Variants in ZNF706 observed in about 807,000 individuals in gnomAD.
ZNF706 encodes the protein transcriptional regulator ZNF706.
Under a neutral mutation model 9.2 loss-of-function variants are expected in ZNF706, and 4 were observed. The ratio of observed to expected loss-of-function variants is 0.43; its 90% CI spans 0.21 to 0.99. ZNF706 has a LOEUF of 0.99. Ranked by LOEUF, ZNF706 falls within the 50% of genes least tolerant of loss-of-function variation. The pLI is 0.26. For synonymous variants in ZNF706, 28 were observed against 27.3 expected, an observed-to-expected ratio of 1.03 and a Z score of -0.08; for missense variants, 27 against 87.8, an observed-to-expected ratio of 0.31 and a Z score of 2.77.
At chr8:101,203,667 G>C (rs1195658798) in intron 1 of ZNF706, 1 of 152,036 alleles carries the variant, frequency 6.6e-6, no homozygotes, top group South Asian at 2.1e-4. Context: ...TTTATATTAG[G>C]GTAGCACACG....
At chr8:101,200,922 C>G (rs1028322633) in intron 2 of ZNF706, 1 of 210,602 alleles carries the variant, frequency 4.7e-6, no homozygotes, top group African/African-American at 2.3e-5. Flanking sequence ...GCTGAACTGC[C>G]TGAGTTCAGA....
intron 3 of ZNF706, among the ~76,000 whole-genome samples, chr8:101,199,468 T>C (rs1445595796): frequency 6.6e-6 from 1 of 152,106 alleles, no homozygotes; most frequent in Non-Finnish European, 1.5e-5. Context: ...TCCAACCAAA[T>C]GTAATGTGTA....
At chr8:101,200,211 A>C in intron 2 of ZNF706, 114 bp from the exon 3 acceptor site, 1 of 764,332 alleles carries the variant, frequency 1.3e-6, no homozygotes, top group South Asian at 1.7e-5. Context: ...AACACCTTTA[A>C]ATTCCTACAA....
In ZNF706 at chr8:101,197,119, C is replaced by T. The variant is rs1349150186; in HGVS notation, c.*2133G>A. 6.6e-6 allele frequency: 1 copy of T among 152,148 alleles called. No individual in the cohort carries two copies. The highest frequency in any genetic ancestry group is 2.4e-5 in the African/African-American group (1 of 41,424). 9.4% of individuals were successfully genotyped at this position (152,148 alleles called of 1,614,324 possible). On this transcript the variant is annotated 3_prime_UTR_variant, in exon 4 of 4. Transcript: ENST00000311212. ...CTGAGCCCCCAGTGTGTCAGTTAAACATGGGGATGAATATCCATGTGAAGA... is the reference window on the plus strand; with the variant it reads ...CTGAGCCCCCAGTGTGTCAGTTAAATATGGGGATGAATATCCATGTGAAGA...
Position 101,201,682 on chromosome 8 carries a change from T to C in ZNF706, c.60A>G (p.Gly20=), listed in dbSNP as rs1810560848. 9 of 1,613,616 alleles carry C rather than the reference T, an allele frequency of 5.6e-6. No homozygotes were observed. Among genetic ancestry groups the C allele is most frequent in the African/African-American group, 5.3e-5 (4 of 74,904 alleles). The change falls in exon 2 of 4, where the codon GGA becomes GGG. Residue 20 remains glycine, a synonymous_variant. Transcript: ENST00000311212. The surrounding 1 kb of genome is among the most constrained non-coding windows in gnomAD (Gnocchi z 4.5). ...GGTCATGTCCTTGTTTCTTCTTTTGTCCAGCTTGCTTTTTGGCATTTTTCT... is the reference window on the plus strand; with the variant it reads ...GGTCATGTCCTTGTTTCTTCTTTTGCCCAGCTTGCTTTTTGGCATTTTTCT... The part of the protein sequence containing the change: ...SQQKNAKKQA[G]QKKKQGHDQK...
intron 2 of ZNF706, 173 bp from the exon 3 acceptor site, chr8:101,200,270 ACGTTCCCACATTTCAC>A (rs1275746335): frequency 3.8e-6 from 2 of 533,146 alleles, no homozygotes; most frequent in Non-Finnish European, 6.7e-6. Context: ...GAAATTCCTA[ACGTTCCCACATTTCAC>A]CTATAAAGAA....
At chr8:101,199,595 A>AG (rs1305556332) in intron 3 of ZNF706, among the ~76,000 whole-genome samples, 1 of 152,144 alleles carries the variant, frequency 6.6e-6, no homozygotes, top group African/African-American at 2.4e-5. Flanking sequence ...AGGTTGGGGG[A>AG]GAAAAAAAAG....
In ZNF706 at chr8:101,198,974, T is replaced by C. The variant is rs923645477; in HGVS notation, c.*278A>G. On this transcript the variant is annotated 3_prime_UTR_variant, in exon 4 of 4. Coordinates refer to ENST00000311212, the MANE Select transcript of ZNF706 (RefSeq NM_016096.5). ...AGTACTATTTTATTAAATGAGTTAT[T>C]TTACACAATATGAACATCAATATAA... 5 of 377,986 alleles carry C rather than the reference T, an allele frequency of 1.3e-5. No individual in the cohort carries two copies. The highest frequency in any genetic ancestry group is 4.1e-5 in the African/African-American group (2 of 48,308). 23.4% of individuals were successfully genotyped at this position (377,986 alleles called of 1,614,324 possible).
intron 1 of ZNF706, chr8:101,202,940 G>C (rs918692951): frequency 2.6e-5 from 4 of 152,092 alleles, no homozygotes; most frequent in African/African-American, 9.7e-5. Context: ...TTCTTACTTA[G>C]TTTTCATAAA....
rs1428455304 is a variant in ZNF706, at chr8:101,198,036, T to G, written c.*1216A>C. 6.6e-6 allele frequency: 1 copy of G among 152,204 alleles called. No homozygotes were observed. Among genetic ancestry groups the G allele is most frequent in the Non-Finnish European group, 1.5e-5 (1 of 68,012 alleles). The allele number at this position is 152,204 out of a possible 1,614,324, so 9.4% of individuals were successfully genotyped here. A position where few individuals can be genotyped will look rare whatever the true frequency, so the allele number is the denominator to read the frequency against. On this transcript the variant is annotated 3_prime_UTR_variant, in exon 4 of 4. Transcript: ENST00000311212. ...ACCGAGTTAACAGCAGTTTTACAAG[T>G]TAAGAGTTGACACAAGCAAATTAGA... is the stretch of plus-strand genomic sequence containing the variant.
chr8:101,201,400 C>T lies in ZNF706; in HGVS notation c.135+207G>A. 1 of 536,444 alleles carries T rather than the reference C, an allele frequency of 1.9e-6. No homozygotes were observed. The highest frequency in any genetic ancestry group is 3.2e-6 in the Non-Finnish European group (1 of 308,494). 33.2% of individuals were successfully genotyped at this position (536,444 alleles called of 1,614,324 possible). Reference sequence around the variant, plus strand: ...TTTTGTTTTGTTCACTCTGTTTTCCCAGCACCTAGAGATTTTTGCCTGGCC... The same window carrying T: ...TTTTGTTTTGTTCACTCTGTTTTCCTAGCACCTAGAGATTTTTGCCTGGCC... On this transcript the variant is annotated intron_variant, in intron 2 of 3. Transcript: ENST00000311212. The surrounding 1 kb of genome is among the most constrained non-coding windows in gnomAD (Gnocchi z 4.5).
Position 101,201,006 on chromosome 8 carries a change from T to C in ZNF706, c.135+601A>G, listed in dbSNP as rs1283636939. 1.6e-5 allele frequency: 4 copies of C among 256,426 alleles called. No individual in the cohort carries two copies. The highest frequency in any genetic ancestry group is 3.3e-5 in the Non-Finnish European group (4 of 121,592). The allele number at this position is 256,426 out of a possible 1,614,324, so 15.9% of individuals were successfully genotyped here. ...ATTTCCATTAGTCAGTTTACTCTTC[T>C]GTAAAATGAGAACAATAAAAGTACT... On this transcript the variant is annotated intron_variant, in intron 2 of 3. Coordinates refer to ENST00000311212, the MANE Select transcript of ZNF706 (RefSeq NM_016096.5). The surrounding 1 kb of genome is among the most constrained non-coding windows in gnomAD (Gnocchi z 4.5).
rs1810436050 is a variant in ZNF706, at chr8:101,198,343, C to T, written c.*909G>A. The T allele has an allele frequency of 2.6e-5, 4 of 152,110 alleles. No homozygotes were observed. Among genetic ancestry groups the T allele is most frequent in the South Asian group, 2.1e-4 (1 of 4,828 alleles). 9.4% of individuals were successfully genotyped at this position (152,110 alleles called of 1,614,324 possible). ...CCAATCTTCCTGTTAATGCAAAATC[C>T]ATTTGTAAAAATGGCCAAATAGTAA... On this transcript the variant is annotated 3_prime_UTR_variant, in exon 4 of 4. Transcript: ENST00000311212.
chr8:101,200,239 G>A, intron 2 of ZNF706, 142 bp from the exon 3 acceptor site: 1 of 609,276 alleles, frequency 1.6e-6, no homozygotes, highest in Non-Finnish European at 2.8e-6. Flanking sequence ...ACTGGCATAT[G>A]AAGAGGGACT....
At chr8:101,204,977 C>T (rs1475320485) in intron 1 of ZNF706, 4 of 982,658 alleles carry the variant, frequency 4.1e-6, no homozygotes, top group Non-Finnish European at 4.8e-6. Flanking sequence ...ACTTCTCCGA[C>T]CCCAGCTTCA....
rs1458789218 is a variant in ZNF706 at position 101,197,411 on chromosome 8, C to T, written c.*1841G>A. The T allele has an allele frequency of 6.6e-6, 1 of 151,970 alleles. No individual in the cohort carries two copies. The highest frequency in any genetic ancestry group is 1.9e-4 in the East Asian group (1 of 5,186). 9.4% of individuals were successfully genotyped at this position (151,970 alleles called of 1,614,324 possible). ...AAGGATGATTATGCTCATGTAAGAT[C>T]AATGCAGCTATTTCCCTATCACTGA... On this transcript the variant is annotated 3_prime_UTR_variant, in exon 4 of 4. Coordinates refer to ENST00000311212, the MANE Select transcript of ZNF706 (RefSeq NM_016096.5).
rs767979604 is a variant in ZNF706 at position 101,200,034 on chromosome 8, G to T, written c.199C>A (p.Leu67Ile). ...HFESKHPKTP[L>I]PPELADVQA ...TGAACATCAGCTAATTCTGGAGGAA[G>T]TGGAGTCTTAGGATGCTTGCTCTCA... The change falls in exon 3 of 4, where the codon CTT becomes ATT. Residue 67 changes from leucine (L) to isoleucine (I), a missense_variant. Leu to Ile is a conservative substitution (Grantham distance 5, BLOSUM62 2). Coordinates refer to ENST00000311212, the MANE Select transcript of ZNF706 (RefSeq NM_016096.5). 6.2e-7 allele frequency: 1 copy of T among 1,611,920 alleles called. No homozygotes were observed. The highest frequency in any genetic ancestry group is 1.3e-5 in the African/African-American group (1 of 74,866).
At chr8:101,204,075 G>C (rs947671448) in intron 1 of ZNF706, 3 of 152,096 alleles carry the variant, frequency 2.0e-5, no homozygotes, top group Non-Finnish European at 4.4e-5. Context: ...TGTATTTTAT[G>C]TATCTTAATA....
rs1033734907 is a variant in ZNF706, at chr8:101,197,590, T to C, written c.*1662A>G. 2.6e-5 allele frequency: 4 copies of C among 151,486 alleles called. No individual in the cohort carries two copies. Among genetic ancestry groups the C allele is most frequent in the Non-Finnish European group, 5.9e-5 (4 of 67,920 alleles). The allele number at this position is 151,486 out of a possible 1,614,324, so 9.4% of individuals were successfully genotyped here. On this transcript the variant is annotated 3_prime_UTR_variant, in exon 4 of 4. Coordinates refer to ENST00000311212, the MANE Select transcript of ZNF706 (RefSeq NM_016096.5). The stretch of plus-strand genomic sequence containing the variant: ...TTTATATGATTTGTCACTAAACATA[T>C]ACATATGCTCAAAGCACTTTTAAAA...
Sources: gnomAD v4.1 joint callset for allele counts (sites outside exome capture counted in the v4.1 genomes callset) on GRCh38, gnomAD v4.1.1 for gene constraint, Gnocchi (gnomAD v3.1) non-coding constraint, MANE v1.5 for transcripts, NCBI Gene and HGNC (gene_info 2026-07-23, HGNC 2026-07-21) for gene names.